Variants in CGRRF1 observed in about 807,000 individuals in gnomAD.
CGRRF1 encodes the protein cell growth regulator with ring finger domain 1, also known as cell growth regulator with RING finger domain protein 1.
A neutral mutation model predicts 37.2 loss-of-function variants in CGRRF1; 32 were observed. The ratio of observed to expected loss-of-function variants is 0.86; its 90% CI spans 0.65 to 1.16. The LOEUF is 1.16. CGRRF1 is among the 50% of genes most tolerant of loss of function. The probability of loss-of-function intolerance (pLI) is 0.00; values close to 1 mark genes in which losing one functional copy is unlikely to be tolerated. For synonymous variants in CGRRF1, 141 were observed against 140.3 expected, an observed-to-expected ratio of 1.00 and a Z score of -0.04; for missense variants, 391 against 382.6, an observed-to-expected ratio of 1.02 and a Z score of -0.18.
chr14:54,533,939 C>A (rs1484118443), intron 4 of CGRRF1, among the ~76,000 whole-genome samples: 1 of 151,778 alleles, frequency 6.6e-6, no homozygotes, highest in Non-Finnish European at 1.5e-5. Flanking sequence ...TGTATCTTTC[C>A]AAATCTTTAT....
In CGRRF1 at chr14:54,539,114, A is replaced by T. The variant is rs892476234; in HGVS notation, c.*731A>T. On this transcript the variant is annotated 3_prime_UTR_variant, in exon 6 of 6. Coordinates refer to ENST00000216420, the MANE Select transcript of CGRRF1 (RefSeq NM_006568.3). ...GATTAGCAGAATGTGATCTCCAGGGAAGATCTGTGAGACCTTTAATGCCTT... is the reference window on the plus strand; with the variant it reads ...GATTAGCAGAATGTGATCTCCAGGGTAGATCTGTGAGACCTTTAATGCCTT... 3 of 152,328 alleles carry T rather than the reference A, an allele frequency of 2.0e-5. No individual in the cohort carries two copies. The highest frequency in any genetic ancestry group is 7.2e-5 in the African/African-American group (3 of 41,576). The allele number at this position is 152,328 out of a possible 1,614,324, so 9.4% of individuals were successfully genotyped here.
At chr14:54,525,613 G>A (rs892811910) in intron 2 of CGRRF1, among the ~76,000 whole-genome samples, 1 of 152,152 alleles carries the variant, frequency 6.6e-6, no homozygotes, top group African/African-American at 2.4e-5. Flanking sequence ...TTAAACTGTG[G>A]AAAAGTGGGT....
At chr14:54,524,953 G>A (rs928981813) in intron 2 of CGRRF1, among the ~76,000 whole-genome samples, 3 of 152,108 alleles carry the variant, frequency 2.0e-5, no homozygotes, top group Non-Finnish European at 4.4e-5. Context: ...AGGATGAGGT[G>A]GGAGGATTGC....
At chr14:54,514,108 A>G (rs186073888) in intron 1 of CGRRF1, among the ~76,000 whole-genome samples, 3 of 152,316 alleles carry the variant, frequency 2.0e-5, no homozygotes, top group East Asian at 3.9e-4. Flanking sequence ...GCAAAGGGCT[A>G]TCCACACTTA....
intron 4 of CGRRF1, chr14:54,536,244 A>T (rs1302473047): frequency 6.6e-6 from 1 of 150,812 alleles, no homozygotes; most frequent in Non-Finnish European, 1.5e-5. Context: ...ACCAGTTTGC[A>T]GAGATTGTCT....
intron 4 of CGRRF1, among the ~76,000 whole-genome samples, chr14:54,531,732 A>G (rs1959807): frequency 0.032 from 4,805 of 152,148 alleles, 186 homozygotes; most frequent in East Asian, 0.095. Context: ...TTTCAGTCTG[A>G]TAGTTGATTC....
intron 1 of CGRRF1, among the ~76,000 whole-genome samples, chr14:54,516,828 T>TTTG (rs1191222522): frequency 3.3e-5 from 5 of 152,186 alleles, no homozygotes; most frequent in African/African-American, 4.8e-5. Context: ...ACTGATGCTT[T>TTTG]TTGTTGTTGT....
Position 54,513,566 on chromosome 14 carries a change from T to TTTATGTTATG in CGRRF1, c.104+3545_104+3554dup, listed in dbSNP as rs150170270. Among the ~76,000 whole-genome samples, 473 of 146,652 alleles carry TTTATGTTATG rather than the reference T, an allele frequency of 3.2e-3. 3 individuals are homozygous for TTTATGTTATG. The highest frequency in any genetic ancestry group is 8.4e-3 in the South Asian group (38 of 4,546). ...AGACTTGCTAAAAATTGGACACAGT[T>TTTATGTTATG]TTATGTTATGTTATGTTATGTTATG... On this transcript the variant is annotated intron_variant, in intron 1 of 5. Transcript: ENST00000216420.
At chr14:54,512,493 C>T (rs74965074) in intron 1 of CGRRF1, among the ~76,000 whole-genome samples, 3,404 of 152,340 alleles carry the variant, frequency 0.022, 91 homozygotes, top group East Asian at 0.096. Context: ...CTATTCCCGG[C>T]CTCCTCTTGA....
At chr14:54,513,826 C>T (rs2032171640) in intron 1 of CGRRF1, among the ~76,000 whole-genome samples, 1 of 152,038 alleles carries the variant, frequency 6.6e-6, no homozygotes, top group Non-Finnish European at 1.5e-5. Context: ...ATTAGCCAGG[C>T]ATGGTGGCAG....
At chr14:54,524,057 A>G (rs561424747) in intron 2 of CGRRF1, among the ~76,000 whole-genome samples, 98 of 152,254 alleles carry the variant, frequency 6.4e-4, no homozygotes, top group African/African-American at 2.2e-3. Flanking sequence ...TCCTCAGTGC[A>G]GTGCAGTCTG....
At chr14:54,515,846 G>A (rs1372494862) in intron 1 of CGRRF1, among the ~76,000 whole-genome samples, 1 of 151,966 alleles carries the variant, frequency 6.6e-6, no homozygotes, top group Non-Finnish European at 1.5e-5. Context: ...ATATAGCTAG[G>A]TCTTATGTTT....
Position 54,530,933 on chromosome 14 carries a change from T to G in CGRRF1, c.453T>G (p.Tyr151Ter). 6.3e-7 allele frequency: 1 copy of G among 1,595,300 alleles called. No homozygotes were observed. Among genetic ancestry groups the G allele is most frequent in the Non-Finnish European group, 8.6e-7 (1 of 1,163,130 alleles). ...FIKKDSKEEI[Y>*]CQLPRDTKIE... ...AAAAGGATAGCAAAGAAGAAATATATTGCCAGTTACCAAGAGATACTAAAA... is the reference window on the plus strand; with the variant it reads ...AAAAGGATAGCAAAGAAGAAATATAGTGCCAGTTACCAAGAGATACTAAAA... The change falls in exon 4 of 6, where the codon TAT becomes TAG. Residue 151 changes from tyrosine (Y) to a stop codon, truncating the protein, a stop_gained. Coordinates refer to ENST00000216420, the MANE Select transcript of CGRRF1 (RefSeq NM_006568.3). LOFTEE classifies it high-confidence loss of function.
chr14:54,529,589 A>G (rs996828282), intron 2 of CGRRF1, among the ~76,000 whole-genome samples: 48 of 152,140 alleles, frequency 3.2e-4, no homozygotes, highest in African/African-American at 1.2e-3. Context: ...TCTTTTTAAT[A>G]TTTTTCTTAC....
At chr14:54,513,569 ATGT>A (rs2032164249) in intron 1 of CGRRF1, among the ~76,000 whole-genome samples, 1 of 19,038 alleles carries the variant, frequency 5.3e-5, no homozygotes, top group Non-Finnish European at 1.6e-4. Context: ...ACACAGTTTT[ATGT>A]TATGTTATGT....
intron 3 of CGRRF1, chr14:54,530,672 T>TA (rs2032498017): frequency 5.9e-6 from 5 of 846,530 alleles, no homozygotes; most frequent in Non-Finnish European, 9.2e-6. Flanking sequence ...ATTTTTGGTA[T>TA]ACTAGAAGCA....
chr14:54,514,393 A>T (rs141042710), intron 1 of CGRRF1, among the ~76,000 whole-genome samples: 28 of 152,324 alleles, frequency 1.8e-4, no homozygotes, highest in Admixed American at 6.5e-4. Context: ...TGTTTGATGG[A>T]AACTTGGACT....
intron 2 of CGRRF1, among the ~76,000 whole-genome samples, chr14:54,525,202 C>T (rs1166367629): frequency 6.6e-6 from 1 of 152,214 alleles, no homozygotes; most frequent in Non-Finnish European, 1.5e-5. Flanking sequence ...TTCCTTCCTG[C>T]AGTACAGTTC....
At chr14:54,536,035 C>G (rs1415093002) in intron 4 of CGRRF1, 2 of 152,202 alleles carry the variant, frequency 1.3e-5, no homozygotes, top group African/African-American at 4.8e-5. Flanking sequence ...GAAATATACT[C>G]ATGTTGTTTT....
Sources: gnomAD v4.1 joint callset for allele counts (sites outside exome capture counted in the v4.1 genomes callset) on GRCh38, gnomAD v4.1.1 for gene constraint, MANE v1.5 for transcripts, NCBI Gene and HGNC (gene_info 2026-07-23, HGNC 2026-07-21) for gene names.